FBXW11: variants seen among roughly 807,000 people sequenced by gnomAD.
FBXW11 encodes the protein F-box and WD repeat domain containing 11.
A neutral mutation model predicts 77.6 loss-of-function variants in FBXW11; 19 were observed. The ratio of observed to expected loss-of-function variants is 0.24; its 90% CI spans 0.17 to 0.36. The LOEUF (loss-of-function observed/expected upper bound fraction) is 0.36, where lower values mean the gene tolerates loss of function less well. Ranked by LOEUF, FBXW11 falls within the 10% of genes least tolerant of loss-of-function variation. FBXW11 has a pLI of 1.00. For synonymous variants in FBXW11, 235 were observed against 249.4 expected (o/e 0.94, Z 0.54); for missense variants, 334 against 704.2 (o/e 0.47, Z 5.95).
intron 1 of FBXW11, among the ~76,000 whole-genome samples, chr5:171,969,983 G>T (rs1180205372): frequency 1.3e-5 from 2 of 152,182 alleles, no homozygotes; most frequent in Non-Finnish European, 1.5e-5. Context: ...GGTATTACAG[G>T]AATGAGCAAC....
intron 7 of FBXW11, among the ~76,000 whole-genome samples, chr5:171,878,710 AG>A (rs1758302666): frequency 6.6e-6 from 1 of 151,658 alleles, no homozygotes; most frequent in Non-Finnish European, 1.5e-5. Flanking sequence ...GAATTGCTTG[AG>A]CCCAGAAGGC....
At chr5:171,881,361 C>G (rs1758489595) in intron 7 of FBXW11, among the ~76,000 whole-genome samples, 1 of 152,140 alleles carries the variant, frequency 6.6e-6, no homozygotes, top group Non-Finnish European at 1.5e-5. Flanking sequence ...TGTAGATACT[C>G]TTTATCAAGT....
chr5:171,920,355 T>C (rs115560673), intron 2 of FBXW11, among the ~76,000 whole-genome samples: 2,826 of 149,730 alleles, frequency 0.019, 36 homozygotes, highest in Non-Finnish European at 0.03. Context: ...TCATGCCAAC[T>C]GATCACAGAT....
chr5:171,899,815 A>T, intron 5 of FBXW11, 99 bp downstream of exon 5: 1 of 1,076,782 alleles, frequency 9.3e-7, no homozygotes, highest in Non-Finnish European at 1.3e-6. Flanking sequence ...TTTTAAAAAT[A>T]GGCCAGCACA....
chr5:171,952,123 T>C (rs890179886), intron 2 of FBXW11, among the ~76,000 whole-genome samples: 24 of 151,822 alleles, frequency 1.6e-4, no homozygotes, highest in Non-Finnish European at 3.5e-4. Flanking sequence ...GACTCCAAAG[T>C]CAAGCTGGGG....
At chr5:171,903,167 G>A (rs1359862713) in intron 4 of FBXW11, among the ~76,000 whole-genome samples, 1 of 152,110 alleles carries the variant, frequency 6.6e-6, no homozygotes, top group African/African-American at 2.4e-5. Flanking sequence ...CACAATCATG[G>A]CTCACTGCCA....
At chr5:171,874,448 C>T (rs1473192313) in intron 9 of FBXW11, among the ~76,000 whole-genome samples, 1 of 152,196 alleles carries the variant, frequency 6.6e-6, no homozygotes. Flanking sequence ...CTCTCAACTT[C>T]CAGGCACTGG....
At chr5:171,984,622 G>A (rs575246203) in intron 1 of FBXW11, among the ~76,000 whole-genome samples, 2 of 152,264 alleles carry the variant, frequency 1.3e-5, no homozygotes, top group Non-Finnish European at 1.5e-5. Context: ...TTTAAGTGTG[G>A]GGGAAAGGAC....
At chr5:171,984,987 G>A (rs1295438722) in intron 1 of FBXW11, among the ~76,000 whole-genome samples, 1 of 152,090 alleles carries the variant, frequency 6.6e-6, no homozygotes, top group Non-Finnish European at 1.5e-5. Context: ...ATTTATGAAG[G>A]CAAAGCTTTT....
intron 1 of FBXW11, among the ~76,000 whole-genome samples, chr5:171,960,350 G>A (rs1184137660): frequency 2.0e-5 from 3 of 152,158 alleles, no homozygotes; most frequent in Non-Finnish European, 4.4e-5. Flanking sequence ...ACTCCAGCCT[G>A]GGCAACAGAG....
chr5:171,939,846 C>T (rs1026373352), intron 2 of FBXW11, among the ~76,000 whole-genome samples: 4 of 152,050 alleles, frequency 2.6e-5, no homozygotes, highest in African/African-American at 9.7e-5. Context: ...AGGATACACA[C>T]ACTCTTCCCG....
At chr5:171,925,949 T>A (rs1430967249) in intron 2 of FBXW11, among the ~76,000 whole-genome samples, 3 of 152,204 alleles carry the variant, frequency 2.0e-5, no homozygotes, top group Non-Finnish European at 4.4e-5. Flanking sequence ...GCCTAAACTA[T>A]TTTAAGTGGG....
chr5:171,878,553 A>AGTGTGTGTGTGTGTGTGTGTGT (rs34933781), intron 7 of FBXW11, among the ~76,000 whole-genome samples: 50 of 105,482 alleles, frequency 4.7e-4, no homozygotes, highest in African/African-American at 1.1e-3. Flanking sequence ...TCTCCATAAG[A>AGTGTGTGTGTGTGTGTGTGTGT]GTGTGTGAGT....
chr5:171,930,771 A>T (rs1401633949), intron 2 of FBXW11, among the ~76,000 whole-genome samples: 8 of 149,726 alleles, frequency 5.3e-5, no homozygotes, highest in African/African-American at 1.5e-4. Context: ...ATAAAAAAAA[A>T]AAAAAGAAAA....
rs1045843162 is a variant in FBXW11 at position 171,876,901 on chromosome 5, C to G, written c.972-367G>C. Among the ~76,000 whole-genome samples the G allele has an allele frequency of 6.6e-6, 1 of 152,190 alleles. No individual in the cohort carries two copies. The highest frequency in any genetic ancestry group is 2.4e-5 in the African/African-American group (1 of 41,444). ...CCTTCTGCCATGAGTAGAAGTAGCTCGAAGCCCTCATCAGAAGTAGATGCT... is the reference window on the plus strand; with the variant it reads ...CCTTCTGCCATGAGTAGAAGTAGCTGGAAGCCCTCATCAGAAGTAGATGCT... On this transcript the variant is annotated intron_variant, in intron 8 of 13. Coordinates refer to ENST00000517395, the MANE Select transcript of FBXW11 (RefSeq NM_001378974.1). This position sits in a 1 kb window ranked among gnomAD's most constrained non-coding sequence, Gnocchi z 4.2.
chr5:171,962,724 C>T lies in FBXW11; in HGVS notation c.46-5026G>A, dbSNP rs1005325464. Among the ~76,000 whole-genome samples, 3 of 152,226 alleles carry T rather than the reference C, an allele frequency of 2.0e-5. No individual in the cohort carries two copies. In the East Asian group the frequency reaches 5.8e-4, roughly 29 times the overall value. On this transcript the variant is annotated intron_variant, in intron 1 of 13. Transcript: ENST00000517395. ...TCCTATTACCATAGGAACCACAAAT[C>T]AAAAGGAAAAAGTGGTTGCAGGCAC...
rs191189749 is a variant in FBXW11, at chr5:171,901,871, C to T, written c.437-1771G>A. Among the ~76,000 whole-genome samples, 423 of 152,314 alleles carry T rather than the reference C, an allele frequency of 2.8e-3. 2 individuals carry two copies. The highest frequency in any genetic ancestry group is 0.022 in the South Asian group (108 of 4,824). On this transcript the variant is annotated intron_variant, in intron 4 of 13. Coordinates refer to ENST00000517395, the MANE Select transcript of FBXW11 (RefSeq NM_001378974.1). ...GTCTCTAGAATTCTGATTTTTGTCA[C>T]ACCCAGAAGAGTGGGTATTCCACAC... is the stretch of plus-strand genomic sequence containing the variant.
intron 1 of FBXW11, among the ~76,000 whole-genome samples, chr5:172,002,593 A>C (rs1226935483): frequency 1.3e-5 from 2 of 149,088 alleles, no homozygotes; most frequent in African/African-American, 2.5e-5. Context: ...AACCCCACTC[A>C]CCCCGAGAAA....
At position 171,872,995 on chromosome 5, in the gene FBXW11, A is replaced by G. The variant is rs1431893584; in HGVS notation, c.1222-5T>C. The G allele has an allele frequency of 6.2e-7, 1 of 1,607,572 alleles. No individual in the cohort carries two copies. Among genetic ancestry groups the G allele is most frequent in the East Asian group, 2.2e-5 (1 of 44,830 alleles). On this transcript the variant is annotated splice_polypyrimidine_tract_variant and splice_region_variant and intron_variant, in intron 9 of 13. Coordinates refer to ENST00000517395, the MANE Select transcript of FBXW11 (RefSeq NM_001378974.1). ...ACAGGTGCTCGTGCTCCAGACCTGT[A>G]TAACAAATTAACAGTATTTTAAAGA...
Sources: gnomAD v4.1 joint callset for allele counts (sites outside exome capture counted in the v4.1 genomes callset) on GRCh38, gnomAD v4.1.1 for gene constraint, Gnocchi (gnomAD v3.1) non-coding constraint, MANE v1.5 for transcripts, NCBI Gene and HGNC (gene_info 2026-07-23, HGNC 2026-07-21) for gene names.